The following PVALB variants were observed in gnomAD, a reference collection of about 807,000 sequenced individuals.
PVALB encodes the protein parvalbumin alpha.
PVALB carries 11 observed loss-of-function variants against 10.9 expected under a neutral mutation model. The ratio of observed to expected loss-of-function variants is 1.01; its 90% CI spans 0.63 to 1.67. PVALB has a LOEUF of 1.67. Among genes scored for constraint, PVALB ranks in the 40% most tolerant of loss-of-function variants. The pLI is 0.00. For synonymous variants in PVALB, 57 were observed against 50.7 expected (o/e 1.12, Z -0.53); for missense variants, 131 against 136.2 (o/e 0.96, Z 0.19).
At chr22:36,813,867 G>T in intron 2 of PVALB, 112 bp from the exon 3 acceptor site, 1 of 837,038 alleles carries the variant, frequency 1.2e-6, no homozygotes, top group Non-Finnish European at 2.0e-6. Context: ...GGCTGGGACA[G>T]GCAGCGAGCA....
At chr22:36,814,069 A>T (rs528761522) in intron 2 of PVALB, among the ~76,000 whole-genome samples, 1 of 152,286 alleles carries the variant, frequency 6.6e-6, no homozygotes, top group South Asian at 2.1e-4. Flanking sequence ...TATGCTGGAA[A>T]GTGGGGTCAC....
At chr22:36,817,817 C>T (rs1173053578), upstream of PVALB, among the ~76,000 whole-genome samples, 1 of 152,104 alleles carries the variant, frequency 6.6e-6, no homozygotes, top group Non-Finnish European at 1.5e-5. Context: ...ATCATGGGTC[C>T]AGACTCCCCC....
chr22:36,805,551 G>C (rs984387766), intron 3 of PVALB, among the ~76,000 whole-genome samples: 1 of 152,090 alleles, frequency 6.6e-6, no homozygotes, highest in African/African-American at 2.4e-5. Flanking sequence ...CTCCGCCCTG[G>C]CACCTACCTA....
intron 3 of PVALB, chr22:36,811,567 C>CAGGG (rs764602755): frequency 3.0e-5 from 14 of 459,968 alleles, no homozygotes; most frequent in Admixed American, 1.7e-4. Flanking sequence ...CTGAGTGTGG[C>CAGGG]AGGGAGGGAG....
intron 3 of PVALB, among the ~76,000 whole-genome samples, chr22:36,802,638 C>G (rs1429083674): frequency 7.0e-6 from 1 of 143,522 alleles, no homozygotes; most frequent in African/African-American, 2.6e-5. Flanking sequence ...AAAGAAACAA[C>G]CTGGCACTGG....
intron 3 of PVALB, among the ~76,000 whole-genome samples, chr22:36,810,308 G>A: frequency 6.6e-6 from 1 of 152,216 alleles, no homozygotes; most frequent in East Asian, 1.9e-4. Flanking sequence ...GGCCTTTAGA[G>A]AGAGTGACAG....
chr22:36,809,252 G>A (rs1234386017), intron 3 of PVALB, among the ~76,000 whole-genome samples: 1 of 152,106 alleles, frequency 6.6e-6, no homozygotes. Context: ...CTGGGTACTT[G>A]TTCATTCATT....
upstream of PVALB, chr22:36,817,558 G>T: frequency 6.5e-6 from 1 of 152,886 alleles, no homozygotes. Context: ...TGCAAAATCT[G>T]AGCGCTGAGG....
At chr22:36,816,921 G>T (rs1192053187) in intron 1 of PVALB, 24 bp downstream of exon 1, 2 of 1,588,464 alleles carry the variant, frequency 1.3e-6, no homozygotes, top group Non-Finnish European at 1.7e-6. Flanking sequence ...GGAGAGGGAT[G>T]GGGAGGGGAG....
At chr22:36,816,065 G>A (rs59570673) in intron 1 of PVALB, among the ~76,000 whole-genome samples, 2 of 149,934 alleles carry the variant, frequency 1.3e-5, no homozygotes, top group Admixed American at 6.7e-5. Context: ...GTGTGTGTGT[G>A]TGTGTGTGTA....
intron 2 of PVALB, among the ~76,000 whole-genome samples, chr22:36,814,585 A>G (rs573479057): frequency 1.3e-5 from 2 of 152,240 alleles, no homozygotes; most frequent in African/African-American, 4.8e-5. Context: ...GCATTTTCCT[A>G]GCCACAGCCT....
chr22:36,802,732 C>A (rs1417967141), intron 3 of PVALB, among the ~76,000 whole-genome samples: 1 of 152,060 alleles, frequency 6.6e-6, no homozygotes, highest in East Asian at 1.9e-4. Context: ...CCTTTCCTGT[C>A]CCCAGGCTGT....
At chr22:36,814,955 G>C (rs1939113644) in intron 2 of PVALB, 148 bp downstream of exon 2, 2 of 1,061,854 alleles carry the variant, frequency 1.9e-6, no homozygotes, top group South Asian at 1.7e-5. Flanking sequence ...GGTGCCCTGG[G>C]TCGGAGCCCT....
intron 2 of PVALB, among the ~76,000 whole-genome samples, chr22:36,814,125 G>A (rs1939092660): frequency 6.6e-6 from 1 of 152,192 alleles, no homozygotes; most frequent in Non-Finnish European, 1.5e-5. Flanking sequence ...GAGGTCACGG[G>A]CTCCGAGAGA....
chr22:36,804,585 G>A (rs118049299), intron 3 of PVALB, among the ~76,000 whole-genome samples: 1,911 of 152,260 alleles, frequency 0.013, 14 homozygotes, highest in Non-Finnish European at 0.019. Context: ...GCCAATTAAC[G>A]AACAGGTCTC....
At chr22:36,804,089 C>T (rs565383453) in intron 3 of PVALB, among the ~76,000 whole-genome samples, 3 of 152,340 alleles carry the variant, frequency 2.0e-5, no homozygotes, top group East Asian at 3.9e-4. Flanking sequence ...TGTCCATCAC[C>T]GCCTGCTCAT....
intron 1 of PVALB, among the ~76,000 whole-genome samples, chr22:36,815,849 C>T (rs1939130840): frequency 6.6e-6 from 1 of 151,888 alleles, no homozygotes; most frequent in African/African-American, 2.4e-5. Context: ...TAAGTTTCTT[C>T]CCACATGGGC....
chr22:36,816,174 G>A (rs1020766387), intron 1 of PVALB, among the ~76,000 whole-genome samples: 27 of 152,132 alleles, frequency 1.8e-4, no homozygotes, highest in African/African-American at 6.0e-4. Context: ...GGGCAACCCA[G>A]TTCTAATACC....
Position 36,802,734 on chromosome 22 carries a change from C to T in PVALB, c.305-1816G>A, listed in dbSNP as rs1938888987. Among the ~76,000 whole-genome samples, 3 of 152,104 alleles carry T rather than the reference C, an allele frequency of 2.0e-5. No homozygotes were observed. The South Asian group carries it at 6.2e-4, about 31-fold the overall frequency. On this transcript the variant is annotated intron_variant, in intron 3 of 3. Coordinates refer to ENST00000417718, the MANE Select transcript of PVALB (RefSeq NM_001315532.2). ...AAATAGACATCATCCTTTCCTGTCC[C>T]CAGGCTGTCCTAGGATAGGAAAAGT...
Sources: gnomAD v4.1 joint callset for allele counts (sites outside exome capture counted in the v4.1 genomes callset) on GRCh38, gnomAD v4.1.1 for gene constraint, MANE v1.5 for transcripts, NCBI Gene and HGNC (gene_info 2026-07-23, HGNC 2026-07-21) for gene names.